The following MN1 variants were observed in gnomAD, a reference collection of about 807,000 sequenced individuals.
MN1 encodes the protein transcriptional activator MN1.
A neutral mutation model predicts 86.9 loss-of-function variants in MN1; 19 were observed. The observed-to-expected ratio is 0.22, with a 90% CI of 0.15 to 0.32. The LOEUF is 0.32. Among genes scored for constraint, MN1 ranks in the 10% least tolerant of loss-of-function variants. The pLI is 1.00. For synonymous variants in MN1, 928 were observed against 849.6 expected, an observed-to-expected ratio of 1.09 and a Z score of -1.60; for missense variants, 1,841 against 1,862.0, an observed-to-expected ratio of 0.99 and a Z score of 0.21.
rs1044091299 is a variant in MN1 at position 27,749,968 on chromosome 22, G to C, written c.*947C>G. 3 of 232,066 alleles carry C rather than the reference G, an allele frequency of 1.3e-5. No individual in the cohort carries two copies. Among genetic ancestry groups the C allele is most frequent in the African/African-American group, 4.4e-5 (2 of 45,274 alleles). The allele number at this position is 232,066 out of a possible 1,614,324, so 14.4% of individuals were successfully genotyped here. Reference sequence around the variant, plus strand: ...CCTCCAACTCCAGCACCCAAGGCACGGGCAGCAGCCTTGCTCCAAAGACTG... The same window carrying C: ...CCTCCAACTCCAGCACCCAAGGCACCGGCAGCAGCCTTGCTCCAAAGACTG... On this transcript the variant is annotated 3_prime_UTR_variant, in exon 2 of 2. Coordinates refer to ENST00000302326, the MANE Select transcript of MN1 (RefSeq NM_002430.3).
At chr22:27,794,463 C>A (rs45559337) in intron 1 of MN1, among the ~76,000 whole-genome samples, 1 of 152,332 alleles carries the variant, frequency 6.6e-6, no homozygotes, top group East Asian at 1.9e-4. Context: ...AGACAGCCAG[C>A]CCTGCTGGTC....
intron 1 of MN1, among the ~76,000 whole-genome samples, chr22:27,755,125 C>G (rs1251907575): frequency 6.6e-6 from 1 of 152,168 alleles, no homozygotes; most frequent in African/African-American, 2.4e-5. Flanking sequence ...TGGTGTGGCT[C>G]TCTCCTCTCA....
At chr22:27,773,835 A>G (rs1281344333) in intron 1 of MN1, among the ~76,000 whole-genome samples, 1 of 152,154 alleles carries the variant, frequency 6.6e-6, no homozygotes, top group Non-Finnish European at 1.5e-5. Flanking sequence ...TTGTATTTTT[A>G]GTAGAGACTG....
At chr22:27,794,793 T>C (rs1421804392) in intron 1 of MN1, among the ~76,000 whole-genome samples, 1 of 146,678 alleles carries the variant, frequency 6.8e-6, no homozygotes, top group Non-Finnish European at 1.5e-5. Context: ...TTTTCTTAAA[T>C]GGATTCTTTA....
intron 1 of MN1, among the ~76,000 whole-genome samples, chr22:27,780,599 A>G (rs1173300505): frequency 6.6e-6 from 1 of 152,210 alleles, no homozygotes; most frequent in East Asian, 1.9e-4. Flanking sequence ...GTTTAAAAGT[A>G]GAATCACCAG....
chr22:27,798,748 G>C lies in MN1; in HGVS notation c.1796C>G (p.Ala599Gly). Residue 599 changes from alanine (A) to glycine (G), a missense_variant, in exon 1 of 2, where the codon GCC becomes GGC. Transcript: ENST00000302326. ...LVHGGPVGGLAQPNFEREGGS... is the reference protein window; with the variant it reads ...LVHGGPVGGLGQPNFEREGGS... ...GCCTTCGCGCTCAAAGTTCGGCTGG[G>C]CCAAGCCGCCCACCGGGCCGCCATG... 2 of 1,534,802 alleles carry C rather than the reference G, an allele frequency of 1.3e-6. No individual in the cohort carries two copies. Among genetic ancestry groups the C allele is most frequent in the Non-Finnish European group, 1.7e-6 (2 of 1,146,088 alleles).
intron 1 of MN1, among the ~76,000 whole-genome samples, chr22:27,795,909 G>T (rs1221241587): frequency 6.6e-6 from 1 of 152,142 alleles, no homozygotes; most frequent in Admixed American, 6.5e-5. Flanking sequence ...GTGGGGAGGG[G>T]GTGCTTAGAA....
chr22:27,772,635 G>T (rs543121413), intron 1 of MN1, among the ~76,000 whole-genome samples: 3 of 152,288 alleles, frequency 2.0e-5, no homozygotes, highest in African/African-American at 7.2e-5. Flanking sequence ...GCTGGTGAGA[G>T]CCTGGGTGAA....
chr22:27,764,828 TC>T (rs1932857604), intron 1 of MN1, among the ~76,000 whole-genome samples: 1 of 152,180 alleles, frequency 6.6e-6, no homozygotes, highest in Non-Finnish European at 1.5e-5. Flanking sequence ...GCATCTATTC[TC>T]CTAGTCCCAT....
chr22:27,778,520 A>G (rs945877586), intron 1 of MN1, among the ~76,000 whole-genome samples: 2 of 152,158 alleles, frequency 1.3e-5, no homozygotes, highest in South Asian at 4.2e-4. Context: ...AAGCATCTGT[A>G]TTTATGCCAA....
rs1302663539 is a variant in MN1, at chr22:27,771,162, A to C, written c.3782-20066T>G. Reference sequence around the variant, plus strand: ...TCTGACTTTTGGATCTTGGAGGGTTAAAAAAAACTCTATAACCCCATGAGC... The same window carrying C: ...TCTGACTTTTGGATCTTGGAGGGTTCAAAAAAACTCTATAACCCCATGAGC... On this transcript the variant is annotated intron_variant, in intron 1 of 1. Coordinates refer to ENST00000302326, the MANE Select transcript of MN1 (RefSeq NM_002430.3). 1.1e-4 allele frequency among the ~76,000 whole-genome samples: 17 copies of C among 151,314 alleles called. No individual in the cohort carries two copies. The East Asian group carries it at 2.9e-3, about 26-fold the overall frequency.
At chr22:27,778,459 G>A (rs926980495) in intron 1 of MN1, among the ~76,000 whole-genome samples, 4 of 152,208 alleles carry the variant, frequency 2.6e-5, no homozygotes, top group African/African-American at 4.8e-5. Flanking sequence ...TTCATGCAAC[G>A]TGTCATCCCC....
At chr22:27,778,891 G>A (rs925735140) in intron 1 of MN1, among the ~76,000 whole-genome samples, 2 of 152,220 alleles carry the variant, frequency 1.3e-5, no homozygotes, top group South Asian at 2.1e-4. Context: ...TGCAACCTAC[G>A]AAAGCAGAAG....
chr22:27,794,311 T>C (rs1408049878), intron 1 of MN1, among the ~76,000 whole-genome samples: 1 of 152,204 alleles, frequency 6.6e-6, no homozygotes, highest in Non-Finnish European at 1.5e-5. Flanking sequence ...TGCAGATACC[T>C]TATAAAGCCT....
At chr22:27,786,549 A>G (rs1339121940) in intron 1 of MN1, among the ~76,000 whole-genome samples, 1 of 152,144 alleles carries the variant, frequency 6.6e-6, no homozygotes, top group Non-Finnish European at 1.5e-5. Flanking sequence ...CCATGTGCAG[A>G]GACCTCTGGC....
chr22:27,794,082 G>A (rs1451710391), intron 1 of MN1, among the ~76,000 whole-genome samples: 2 of 152,058 alleles, frequency 1.3e-5, no homozygotes, highest in East Asian at 3.9e-4. Context: ...CCATGAGCAT[G>A]TTTTTAAAGG....
intron 1 of MN1, among the ~76,000 whole-genome samples, chr22:27,787,309 G>A (rs1203174823): frequency 1.3e-5 from 2 of 149,828 alleles, no homozygotes; most frequent in Non-Finnish European, 1.5e-5. Context: ...CTAAACAATC[G>A]CCAAAAGTTA....
rs997024111 is a variant in MN1 at position 27,799,688 on chromosome 22, A to T, written c.856T>A (p.Ser286Thr). The part of the protein sequence containing the change: ...MPRAAGMVGL[S>T]KMHAQPPQQQ... ...TGCGGTGGCTGGGCGTGCATTTTGG[A>T]CAAGCCCACCATGCCCGCAGCTCTG... The change falls in exon 1 of 2, where the codon TCC (serine) becomes ACC (threonine). Residue 286 changes from serine to threonine, a missense_variant. Physicochemically the swap from Ser to Thr is moderately conservative, Grantham distance 58. Coordinates refer to ENST00000302326, the MANE Select transcript of MN1 (RefSeq NM_002430.3). 5.3e-5 allele frequency: 82 copies of T among 1,556,554 alleles called. No individual in the cohort carries two copies. The highest frequency in any genetic ancestry group is 6.5e-5 in the Non-Finnish European group (75 of 1,151,004).
intron 1 of MN1, among the ~76,000 whole-genome samples, chr22:27,766,171 AAG>A (rs1166465914): frequency 6.6e-6 from 1 of 152,186 alleles, no homozygotes; most frequent in African/African-American, 2.4e-5. Flanking sequence ...TGAAAGTGGC[AAG>A]AGTGTCAGCT....
Sources: gnomAD v4.1 joint callset for allele counts (sites outside exome capture counted in the v4.1 genomes callset) on GRCh38, gnomAD v4.1.1 for gene constraint, MANE v1.5 for transcripts, NCBI Gene and HGNC (gene_info 2026-07-23, HGNC 2026-07-21) for gene names.